The following MAP4K4 variants were observed in gnomAD, a reference collection of about 807,000 sequenced individuals.
MAP4K4 encodes the protein mitogen-activated protein kinase kinase kinase kinase 4, also known as HPK/GCK-like kinase HGK.
A neutral mutation model predicts 189.6 loss-of-function variants in MAP4K4; 38 were observed. That is an observed-to-expected ratio of 0.20 (90% CI 0.15 to 0.26). The LOEUF is 0.26. MAP4K4 is among the 10% of genes least tolerant of loss of function. The pLI, the probability that MAP4K4 is intolerant of heterozygous loss-of-function variation, is 1.00. For missense variants in MAP4K4, 1,054 were observed against 1,726.9 expected (o/e 0.61, Z 6.91); for synonymous variants, 610 against 624.3 (o/e 0.98, Z 0.34).
At chr2:101,793,011 A>G (rs2093182813) in intron 3 of MAP4K4, among the ~76,000 whole-genome samples, 1 of 152,182 alleles carries the variant, frequency 6.6e-6, no homozygotes, top group African/African-American at 2.4e-5. Context: ...CATAGCTATA[A>G]AATACATACC....
At chr2:101,821,728 T>C (rs1226655776) in intron 3 of MAP4K4, among the ~76,000 whole-genome samples, 1 of 152,202 alleles carries the variant, frequency 6.6e-6, no homozygotes, top group Non-Finnish European at 1.5e-5. Flanking sequence ...ACACTTAGGA[T>C]ACACTAAATT....
intron 2 of MAP4K4, among the ~76,000 whole-genome samples, chr2:101,719,763 G>T (rs528914832): frequency 6.6e-6 from 1 of 152,176 alleles, no homozygotes; most frequent in Non-Finnish European, 1.5e-5. Context: ...TGTAATCCCA[G>T]TGCACTTGGG....
At chr2:101,724,433 C>T (rs2054077540) in intron 2 of MAP4K4, among the ~76,000 whole-genome samples, 1 of 152,170 alleles carries the variant, frequency 6.6e-6, no homozygotes, top group African/African-American at 2.4e-5. Context: ...TATGGGCTGT[C>T]ATTCCTCTTT....
At chr2:101,866,493 G>A in exon 19 of MAP4K4, 1 of 1,613,720 alleles carries the variant, frequency 6.2e-7, no homozygotes, top group South Asian at 1.1e-5. Context: ...GGCAGTGGCA[G>A]CTCCTCAGGG....
chr2:101,885,112 A>G, intron 28 of MAP4K4, 75 bp from the exon 29 acceptor site: 1 of 651,500 alleles, frequency 1.5e-6, no homozygotes, highest in Non-Finnish European at 2.6e-6. Context: ...TTTGCAGAAG[A>G]CAACTAAAAC....
chr2:101,792,577 TACTG>T (rs1479937202), intron 3 of MAP4K4, among the ~76,000 whole-genome samples: 2 of 145,784 alleles, frequency 1.4e-5, no homozygotes, highest in Non-Finnish European at 3.0e-5. Context: ...TCCTTATACT[TACTG>T]CCACCTTCTC....
chr2:101,718,524 A>G (rs2049791445), intron 2 of MAP4K4, among the ~76,000 whole-genome samples: 1 of 139,622 alleles, frequency 7.2e-6, no homozygotes, highest in Admixed American at 7.4e-5. Context: ...TGGCAGAGAG[A>G]ACCTGTGAGG....
chr2:101,890,143 T>C (rs2098544405), intron 32 of MAP4K4, among the ~76,000 whole-genome samples: 1 of 152,228 alleles, frequency 6.6e-6, no homozygotes, highest in South Asian at 2.1e-4. Flanking sequence ...GCACAAAAAT[T>C]CTATTTATGG....
At chr2:101,745,297 A>G (rs995986394) in intron 2 of MAP4K4, among the ~76,000 whole-genome samples, 1 of 150,366 alleles carries the variant, frequency 6.7e-6, no homozygotes, top group Admixed American at 6.6e-5. Flanking sequence ...AAATAAATTG[A>G]ATCAGAAATA....
chr2:101,876,951 G>A, intron 26 of MAP4K4, 52 bp from the exon 27 acceptor site: 3 of 1,592,154 alleles, frequency 1.9e-6, no homozygotes, highest in Non-Finnish European at 2.6e-6. Context: ...TACAACCTGG[G>A]GATTTGCCAA....
chr2:101,752,002 T>C (rs2149990089), intron 2 of MAP4K4, among the ~76,000 whole-genome samples: 1 of 152,308 alleles, frequency 6.6e-6, no homozygotes, highest in East Asian at 1.9e-4. Flanking sequence ...ATTCTGATCC[T>C]CATAGAGCAG....
intron 32 of MAP4K4, among the ~76,000 whole-genome samples, chr2:101,890,592 A>T (rs371843491): frequency 7.2e-5 from 11 of 151,926 alleles, no homozygotes; most frequent in East Asian, 3.9e-4. Flanking sequence ...AGTAGCTGGG[A>T]TTACAGGAGC....
intron 3 of MAP4K4, among the ~76,000 whole-genome samples, chr2:101,795,314 T>C (rs1323674693): frequency 1.3e-5 from 2 of 152,234 alleles, no homozygotes; most frequent in African/African-American, 4.8e-5. Context: ...TGCAAAATGA[T>C]GATTTTACGT....
At chr2:101,769,824 C>T (rs2080443814) in intron 2 of MAP4K4, among the ~76,000 whole-genome samples, 1 of 152,226 alleles carries the variant, frequency 6.6e-6, no homozygotes, top group Admixed American at 6.5e-5. Flanking sequence ...TCAGGTGATC[C>T]ACCCACCTTG....
At position 101,790,616 on chromosome 2, in the gene MAP4K4, A is replaced by G. The variant is rs1575597984; in HGVS notation, c.124-104A>G. On this transcript the variant is annotated intron_variant, in intron 2 of 32. Transcript: ENST00000324219. Reference sequence around the variant, plus strand: ...TCATCACTTTTGGTTAGTCAGAGATAAGTATAGTTGAGATACGATTTGTTG... The same window carrying G: ...TCATCACTTTTGGTTAGTCAGAGATGAGTATAGTTGAGATACGATTTGTTG... The G allele has an allele frequency of 5.1e-6, 4 of 781,250 alleles. No individual in the cohort carries two copies. The East Asian group carries it at 1.1e-4, about 21-fold the overall frequency. 48.4% of individuals were successfully genotyped at this position (781,250 alleles called of 1,614,324 possible).
At chr2:101,739,029 G>A (rs1015497613) in intron 2 of MAP4K4, among the ~76,000 whole-genome samples, 6 of 152,010 alleles carry the variant, frequency 3.9e-5, no homozygotes, top group African/African-American at 1.2e-4. Context: ...TAAGGCATTC[G>A]TTTTATTCTT....
intron 15 of MAP4K4, chr2:101,860,323 G>C (rs1305540154): frequency 4.6e-6 from 1 of 218,596 alleles, no homozygotes; most frequent in Non-Finnish European, 9.3e-6. Flanking sequence ...GGACTGCTCG[G>C]GGGTGCAAGA....
At chr2:101,831,311 A>G (rs1038363657) in intron 6 of MAP4K4, among the ~76,000 whole-genome samples, 1 of 151,910 alleles carries the variant, frequency 6.6e-6, no homozygotes, top group Non-Finnish European at 1.5e-5. Context: ...TCTTATCTTT[A>G]TGGTTATTAG....
intron 3 of MAP4K4, chr2:101,797,445 T>A (rs1346331881): frequency 8.1e-7 from 1 of 1,227,538 alleles, no homozygotes; most frequent in Non-Finnish European, 1.1e-6. Flanking sequence ...GCCCCCTCCC[T>A]CCTTATCTTC....
Sources: gnomAD v4.1 joint callset for allele counts (sites outside exome capture counted in the v4.1 genomes callset) on GRCh38, gnomAD v4.1.1 for gene constraint, MANE v1.5 for transcripts, NCBI Gene and HGNC (gene_info 2026-07-23, HGNC 2026-07-21) for gene names.